DCC: variants seen among roughly 807,000 people sequenced by gnomAD.
DCC encodes DCC netrin 1 receptor, also known as netrin receptor DCC.
DCC carries 58 observed loss-of-function variants against 172.5 expected under a neutral mutation model. That is an observed-to-expected ratio of 0.34 (90% CI 0.27 to 0.42). The LOEUF is 0.42. Among genes scored for constraint, DCC ranks in the 10% least tolerant of loss-of-function variants. DCC has a pLI of 1.00. For synonymous variants in DCC, 709 were observed against 644.5 expected (o/e 1.10, Z -1.52); for missense variants, 1,740 against 1,791.0 (o/e 0.97, Z 0.51).
intron 12 of DCC, among the ~76,000 whole-genome samples, chr18:53,264,406 G>A (rs1291932860): frequency 6.6e-6 from 1 of 150,960 alleles, no homozygotes; most frequent in East Asian, 2.0e-4. Flanking sequence ...AAACCAGAAG[G>A]TGGAGGTTGC....
At chr18:53,235,627 A>C (rs999830986) in intron 12 of DCC, among the ~76,000 whole-genome samples, 1 of 152,158 alleles carries the variant, frequency 6.6e-6, no homozygotes, top group African/African-American at 2.4e-5. Flanking sequence ...AAATATACAT[A>C]ACACAACATT....
chr18:52,662,069 G>T (rs2035369948), intron 1 of DCC, among the ~76,000 whole-genome samples: 1 of 152,158 alleles, frequency 6.6e-6, no homozygotes, highest in Non-Finnish European at 1.5e-5. Flanking sequence ...AAATTAGAAG[G>T]TCAGTCTAGG....
intron 2 of DCC, among the ~76,000 whole-genome samples, chr18:52,825,870 C>T (rs1323984609): frequency 1.3e-5 from 2 of 152,074 alleles, no homozygotes; most frequent in East Asian, 3.9e-4. Context: ...AAATGCATGC[C>T]CAGGAGGCAA....
At chr18:52,641,364 G>A (rs892035051) in intron 1 of DCC, among the ~76,000 whole-genome samples, 1 of 152,054 alleles carries the variant, frequency 6.6e-6, no homozygotes, top group Non-Finnish European at 1.5e-5. Context: ...TAAATAGCTG[G>A]GACCTAATTA....
intron 5 of DCC, among the ~76,000 whole-genome samples, chr18:53,028,347 T>A (rs918129759): frequency 1.1e-4 from 17 of 152,140 alleles, no homozygotes; most frequent in African/African-American, 3.1e-4. Flanking sequence ...AATAATCACG[T>A]CTTTCTCTCA....
intron 1 of DCC, among the ~76,000 whole-genome samples, chr18:52,507,379 T>A (rs2031271265): frequency 6.6e-6 from 1 of 152,134 alleles, no homozygotes; most frequent in African/African-American, 2.4e-5. Flanking sequence ...GCACTGAAGG[T>A]TGATGTATAA....
chr18:53,456,561 G>A (rs2045485692), intron 23 of DCC, among the ~76,000 whole-genome samples: 1 of 152,232 alleles, frequency 6.6e-6, no homozygotes, highest in Non-Finnish European at 1.5e-5. Flanking sequence ...CTATGATAGT[G>A]CTTCTTAAAT....
chr18:52,859,433 G>T (rs1471558810), intron 2 of DCC, among the ~76,000 whole-genome samples: 2 of 152,168 alleles, frequency 1.3e-5, no homozygotes, highest in African/African-American at 4.8e-5. Flanking sequence ...TCCCCAGTAG[G>T]ATTCAGAAGC....
intron 1 of DCC, among the ~76,000 whole-genome samples, chr18:52,353,810 A>G (rs1159923212): frequency 6.6e-6 from 1 of 152,088 alleles, no homozygotes; most frequent in Admixed American, 6.5e-5. Context: ...TCCTGGGGAG[A>G]GAAGTTTCTG....
chr18:52,574,199 G>A (rs183731620), intron 1 of DCC, among the ~76,000 whole-genome samples: 7 of 152,168 alleles, frequency 4.6e-5, no homozygotes, highest in Admixed American at 3.9e-4. Flanking sequence ...ATATGCTTCC[G>A]AGTTTTTGAT....
In DCC at chr18:52,672,600, C is replaced by T. The variant is rs574041546; in HGVS notation, c.92-79454C>T. ...CTCCCTCCCTTTCTTCTTCCTAATT[C>T]GTCCTCCCTTCCTCCCTTCCTTCCC... On this transcript the variant is annotated intron_variant, in intron 1 of 28. Coordinates refer to ENST00000442544, the MANE Select transcript of DCC (RefSeq NM_005215.4). Among the ~76,000 whole-genome samples the T allele has an allele frequency of 9.9e-5, 15 of 151,864 alleles. No individual in the cohort carries two copies. In the South Asian group the frequency reaches 3.1e-3, roughly 32 times the overall value.
chr18:53,422,605 C>T (rs1356349812), intron 21 of DCC, among the ~76,000 whole-genome samples: 5 of 152,160 alleles, frequency 3.3e-5, no homozygotes, highest in African/African-American at 1.2e-4. Flanking sequence ...GTACTTAACA[C>T]TGCACCTGCC....
intron 12 of DCC, among the ~76,000 whole-genome samples, chr18:53,274,256 A>T (rs148724510): frequency 2.0e-5 from 3 of 152,140 alleles, no homozygotes; most frequent in African/African-American, 7.2e-5. Context: ...CTACAGAAGA[A>T]TCATGGCATG....
chr18:53,126,477 A>G (rs971098603), intron 7 of DCC, among the ~76,000 whole-genome samples: 3 of 152,098 alleles, frequency 2.0e-5, no homozygotes, highest in African/African-American at 7.2e-5. Flanking sequence ...CATTATGTTG[A>G]GCTGTCGCTA....
chr18:52,631,998 C>T (rs2034686938), intron 1 of DCC, among the ~76,000 whole-genome samples: 1 of 152,186 alleles, frequency 6.6e-6, no homozygotes, highest in Non-Finnish European at 1.5e-5. Flanking sequence ...TTCGCATGTA[C>T]AATTTCCCCT....
intron 13 of DCC, among the ~76,000 whole-genome samples, chr18:53,320,292 T>G (rs952930338): frequency 9.9e-5 from 15 of 152,092 alleles, no homozygotes; most frequent in Admixed American, 2.0e-4. Flanking sequence ...CAGGATGGTC[T>G]CGATCTCCTG....
intron 13 of DCC, among the ~76,000 whole-genome samples, chr18:53,320,226 C>T (rs1430106993): frequency 2.0e-5 from 3 of 151,928 alleles, no homozygotes; most frequent in Admixed American, 2.0e-4. Context: ...GCGCCCACCA[C>T]CACTCCCAGC....
chr18:52,945,006 A>G (rs1177946692), intron 5 of DCC, among the ~76,000 whole-genome samples: 1 of 152,218 alleles, frequency 6.6e-6, no homozygotes, highest in Non-Finnish European at 1.5e-5. Context: ...GAGCTGTGAA[A>G]TCCACTTGTG....
Position 52,638,237 on chromosome 18 carries a change from A to C in DCC, c.92-113817A>C, listed in dbSNP as rs574673140. ...CTCTTTAAAGCATAAATCACACAGG[A>C]CCTATAAAACAAAAATACCAGTTAA... On this transcript the variant is annotated intron_variant, in intron 1 of 28. Transcript: ENST00000442544. Among the ~76,000 whole-genome samples, 3 of 152,158 alleles carry C rather than the reference A, an allele frequency of 2.0e-5. No individual in the cohort carries two copies. The South Asian group carries it at 6.2e-4, about 32-fold the overall frequency.
Sources: allele counts gnomAD v4.1 joint callset (sites outside exome capture counted in the v4.1 genomes callset), GRCh38; gene constraint gnomAD v4.1.1; transcripts MANE v1.5; gene names NCBI Gene and HGNC (gene_info 2026-07-23, HGNC 2026-07-21).